NCAM2: variants seen among roughly 807,000 people sequenced by gnomAD.
The protein encoded by NCAM2 is neural cell adhesion molecule 2, also known as N-CAM-2.
A neutral mutation model predicts 98.1 loss-of-function variants in NCAM2; 30 were observed. The observed-to-expected ratio is 0.31, with a 90% CI of 0.23 to 0.41. NCAM2 has a LOEUF of 0.41. NCAM2 is among the 10% of genes least tolerant of loss of function. The pLI, the probability that NCAM2 is intolerant of heterozygous loss-of-function variation, is 1.00. For missense variants in NCAM2, 867 were observed against 1,005.8 expected (o/e 0.86, Z 1.87); for synonymous variants, 368 against 342.4 (o/e 1.07, Z -0.83).
intron 8 of NCAM2, among the ~76,000 whole-genome samples, chr21:21,343,242 A>G (rs2075093739): frequency 6.6e-6 from 1 of 152,114 alleles, no homozygotes; most frequent in African/African-American, 2.4e-5. Flanking sequence ...TTGAAAACCC[A>G]TGCCATATAA....
intron 15 of NCAM2, among the ~76,000 whole-genome samples, chr21:21,490,989 G>A (rs1007992085): frequency 3.3e-5 from 5 of 151,726 alleles, no homozygotes; most frequent in African/African-American, 9.7e-5. Context: ...TTTGTTATAC[G>A]TGTTTTCTTT....
At chr21:21,234,464 T>C (rs930870375) in intron 1 of NCAM2, among the ~76,000 whole-genome samples, 2 of 151,982 alleles carry the variant, frequency 1.3e-5, no homozygotes, top group Admixed American at 1.3e-4. Context: ...GAAATATGCA[T>C]AGGAAAGAAT....
intron 1 of NCAM2, among the ~76,000 whole-genome samples, chr21:21,237,332 C>T (rs1441912215): frequency 6.6e-6 from 1 of 152,070 alleles, no homozygotes. Context: ...TACCTAGCTA[C>T]TTTCTATAAT....
In NCAM2 at chr21:21,373,920, A is replaced by G; in HGVS notation, c.1102A>G (p.Lys368Glu). 6.2e-7 allele frequency: 1 copy of G among 1,611,172 alleles called. No homozygotes were observed. The highest frequency in any genetic ancestry group is 8.5e-7 in the Non-Finnish European group (1 of 1,178,222). The change falls in exon 9 of 18, where the codon AAA becomes GAA. Residue 368 changes from lysine (K) to glutamate (E), a missense_variant. Coordinates refer to ENST00000400546, the MANE Select transcript of NCAM2 (RefSeq NM_004540.5). Reference sequence around the variant, plus strand: ...GCATGGAAGCTCATCACTGCATATTAAAGATGTGAAGTTGTCAGATTCAGG... The same window carrying G: ...GCATGGAAGCTCATCACTGCATATTGAAGATGTGAAGTTGTCAGATTCAGG... ...GQHGSSSLHI[K>E]DVKLSDSGRY...
chr21:21,474,113 T>C (rs1010349254), intron 14 of NCAM2, among the ~76,000 whole-genome samples: 2 of 151,994 alleles, frequency 1.3e-5, no homozygotes, highest in African/African-American at 4.8e-5. Context: ...TTAGACACTC[T>C]ACAGATATGC....
chr21:21,210,565 G>A (rs1185759033), intron 1 of NCAM2: 2 of 1,288,516 alleles, frequency 1.6e-6, no homozygotes, highest in Non-Finnish European at 2.0e-6. Flanking sequence ...TACCACGATG[G>A]TGAGATCTGA....
intron 1 of NCAM2, among the ~76,000 whole-genome samples, chr21:21,182,827 C>T (rs1032181084): frequency 9.2e-5 from 14 of 152,072 alleles, no homozygotes; most frequent in African/African-American, 3.4e-4. Flanking sequence ...AGCATTGTTC[C>T]TACTAAGATA....
At chr21:21,070,986 A>G (rs1396558206) in intron 1 of NCAM2, among the ~76,000 whole-genome samples, 1 of 152,164 alleles carries the variant, frequency 6.6e-6, no homozygotes, top group Non-Finnish European at 1.5e-5. Context: ...AAGAAGGCAA[A>G]TGGGAAATAA....
At chr21:21,494,164 A>T (rs1987045347) in intron 15 of NCAM2, among the ~76,000 whole-genome samples, 1 of 151,960 alleles carries the variant, frequency 6.6e-6, no homozygotes, top group Non-Finnish European at 1.5e-5. Context: ...ATGTTTAGAA[A>T]ACGCAGAAGT....
At chr21:21,183,812 G>A (rs1412686890) in intron 1 of NCAM2, among the ~76,000 whole-genome samples, 4 of 151,912 alleles carry the variant, frequency 2.6e-5, no homozygotes, top group Non-Finnish European at 5.9e-5. Context: ...AGAAGACTAA[G>A]TGTCACTCCA....
At chr21:21,219,094 A>G (rs1450955236) in intron 1 of NCAM2, among the ~76,000 whole-genome samples, 2 of 152,258 alleles carry the variant, frequency 1.3e-5, no homozygotes, top group East Asian at 3.9e-4. Context: ...CATGCAGCCC[A>G]GGATGGCTTT....
chr21:21,254,323 C>T (rs890623987), intron 1 of NCAM2, among the ~76,000 whole-genome samples: 3 of 152,166 alleles, frequency 2.0e-5, no homozygotes, highest in Admixed American at 1.3e-4. Flanking sequence ...GCTATTAAGT[C>T]GCAACGCCAG....
chr21:21,141,841 T>C (rs1468958992), intron 1 of NCAM2, among the ~76,000 whole-genome samples: 1 of 152,188 alleles, frequency 6.6e-6, no homozygotes, highest in African/African-American at 2.4e-5. Context: ...AACTGATTAC[T>C]TTTAGTGGGA....
chr21:21,496,355 T>C (rs1336214204), intron 15 of NCAM2, among the ~76,000 whole-genome samples: 1 of 152,020 alleles, frequency 6.6e-6, no homozygotes, highest in East Asian at 1.9e-4. Context: ...ATTTACATTT[T>C]TGATGATTAA....
chr21:21,503,082 A>G (rs943974149), intron 15 of NCAM2, among the ~76,000 whole-genome samples: 1 of 151,940 alleles, frequency 6.6e-6, no homozygotes, highest in South Asian at 2.1e-4. Flanking sequence ...TTTAATTTAT[A>G]CAACAGAAAC....
At chr21:21,113,812 CT>C (rs139468057) in intron 1 of NCAM2, among the ~76,000 whole-genome samples, 1 of 151,812 alleles carries the variant, frequency 6.6e-6, no homozygotes, top group Non-Finnish European at 1.5e-5. Flanking sequence ...AGCAATGCCT[CT>C]TTTTTTTGAT....
At chr21:21,334,669 A>T (rs2074809568) in intron 6 of NCAM2, among the ~76,000 whole-genome samples, 1 of 152,078 alleles carries the variant, frequency 6.6e-6, no homozygotes, top group African/African-American at 2.4e-5. Flanking sequence ...GAATAAAATG[A>T]AAGGAGAATA....
chr21:21,202,294 A>G (rs905290739), intron 1 of NCAM2, among the ~76,000 whole-genome samples: 5 of 152,152 alleles, frequency 3.3e-5, no homozygotes, highest in Non-Finnish European at 5.9e-5. Flanking sequence ...TAGGCCAAGA[A>G]ATGTAAAGCA....
intron 1 of NCAM2, among the ~76,000 whole-genome samples, chr21:21,144,798 A>G (rs1447931543): frequency 1.3e-5 from 2 of 152,150 alleles, no homozygotes; most frequent in African/African-American, 4.8e-5. Context: ...AGACTAGGAA[A>G]TCTAGTCTTG....
Sources: allele counts gnomAD v4.1 joint callset (sites outside exome capture counted in the v4.1 genomes callset), GRCh38; gene constraint gnomAD v4.1.1; transcripts MANE v1.5; gene names NCBI Gene and HGNC (gene_info 2026-07-23, HGNC 2026-07-21).